Variants in RPA2 observed in about 807,000 individuals in gnomAD.
RPA2 encodes the protein replication protein A 32 kDa subunit.
RPA2 carries 22 observed loss-of-function variants against 33.4 expected under a neutral mutation model. The observed-to-expected ratio is 0.66, with a 90% CI of 0.47 to 0.94. RPA2 has a LOEUF of 0.94. Ranked by LOEUF, RPA2 falls within the 40% of genes least tolerant of loss-of-function variation. RPA2 has a pLI of 0.00. For synonymous variants in RPA2, 109 were observed against 114.9 expected, an observed-to-expected ratio of 0.95 and a Z score of 0.33; for missense variants, 279 against 329.9, an observed-to-expected ratio of 0.85 and a Z score of 1.19.
rs559189703 is a variant in RPA2 at position 27,899,488 on chromosome 1, C to T, written c.334-1781G>A. Among the ~76,000 whole-genome samples, 6 of 118,840 alleles carry T rather than the reference C, an allele frequency of 5.0e-5. No homozygotes were observed. The South Asian group carries it at 1.4e-3, about 28-fold the overall frequency. 78.0% of individuals were successfully genotyped at this position (118,840 alleles called of 152,430 possible). On this transcript the variant is annotated intron_variant, in intron 4 of 8. Coordinates refer to ENST00000373912, the MANE Select transcript of RPA2 (RefSeq NM_002946.5). ...CTGCACTCCAGGCTGGGCAACAGAG[C>T]AGGACTCTATCTCAAAAAAAAAAAG...
At position 27,892,159 on chromosome 1, in the gene RPA2, C is replaced by T; in HGVS notation, c.*4G>A. The T allele has an allele frequency of 6.2e-7, 1 of 1,603,050 alleles. No homozygotes were observed. On this transcript the variant is annotated 3_prime_UTR_variant, in exon 9 of 9. Transcript: ENST00000373912. ...AAATATCTCAGGTACCCAGTTAGAT[C>T]CAGTTATTCTGCATCTGTGGATTTA... is the stretch of plus-strand genomic sequence containing the variant.
intron 8 of RPA2, among the ~76,000 whole-genome samples, chr1:27,892,697 C>T (rs1244129373): frequency 6.6e-6 from 1 of 152,220 alleles, no homozygotes; most frequent in Non-Finnish European, 1.5e-5. Context: ...CTGAAACCTT[C>T]AAACCCTTCA....
At chr1:27,907,404 A>G in intron 2 of RPA2, 122 bp from the exon 3 acceptor site, 1 of 813,222 alleles carries the variant, frequency 1.2e-6, no homozygotes, top group East Asian at 2.7e-5. Context: ...AAATCTCATT[A>G]TCCTTGCTTC....
At position 27,894,348 on chromosome 1, in the gene RPA2, C is replaced by T; in HGVS notation, c.575G>A (p.Gly192Glu). Residue 192 changes from glycine to glutamate, a missense_variant, in exon 7 of 9, where the codon GGG (glycine) becomes GAG (glutamate). Coordinates refer to ENST00000373912, the MANE Select transcript of RPA2 (RefSeq NM_002946.5). ...PISNPGMSEA[G>E]NFGGNSFMPA... ...CATGAAGCTATTCCCACCAAAGTTC[C>T]CTGCTTCACTCATTCCTGGATTGCT... The T allele has an allele frequency of 6.2e-7, 1 of 1,614,052 alleles. No individual in the cohort carries two copies. The highest frequency in any genetic ancestry group is 8.5e-7 in the Non-Finnish European group (1 of 1,180,022).
At position 27,892,114 on chromosome 1, in the gene RPA2, T is replaced by A; in HGVS notation, c.*49A>T. On this transcript the variant is annotated 3_prime_UTR_variant, in exon 9 of 9. Transcript: ENST00000373912. ...ATGCAGAGCTGGAGACAACAGATTG[T>A]GAAACTAGGTCCAGCTGTAAAATAT... 6.7e-7 allele frequency: 1 copy of A among 1,497,594 alleles called. No individual in the cohort carries two copies. 92.8% of individuals were successfully genotyped at this position (1,497,594 alleles called of 1,614,324 possible).
intron 2 of RPA2, among the ~76,000 whole-genome samples, chr1:27,911,461 G>T (rs1224977881): frequency 2.0e-5 from 3 of 152,164 alleles, no homozygotes; most frequent in Non-Finnish European, 4.4e-5. Context: ...GGAATTCTGA[G>T]ATAAAAATTA....
chr1:27,910,135 G>A (rs1234068347), intron 2 of RPA2, among the ~76,000 whole-genome samples: 1 of 152,192 alleles, frequency 6.6e-6, no homozygotes, highest in South Asian at 2.1e-4. Flanking sequence ...GTAAGGTAAA[G>A]TGGCAAGAAC....
chr1:27,903,548 G>A (rs144115077), intron 4 of RPA2, among the ~76,000 whole-genome samples: 2 of 151,454 alleles, frequency 1.3e-5, no homozygotes, highest in East Asian at 2.0e-4. Flanking sequence ...TTGAAACCCC[G>A]TCTCTACTAA....
In RPA2 at chr1:27,914,544, T is replaced by C. The variant is rs2090145961; in HGVS notation, c.-101A>G. The C allele has an allele frequency of 6.2e-7, 1 of 1,610,492 alleles. No individual in the cohort carries two copies. The highest frequency in any genetic ancestry group is 1.1e-5 in the South Asian group (1 of 90,828). On this transcript the variant is annotated 5_prime_UTR_variant, in exon 1 of 9. Transcript: ENST00000373912. ...CGCCACTGCGCCGCTCTGGCTACTTTTCTCTGGCACCACAAACGCCTTCCC... is the reference window on the plus strand; with the variant it reads ...CGCCACTGCGCCGCTCTGGCTACTTCTCTCTGGCACCACAAACGCCTTCCC...
intron 6 of RPA2, 113 bp downstream of exon 6, chr1:27,896,892 G>A (rs2089899192): frequency 1.5e-6 from 1 of 684,076 alleles, no homozygotes; most frequent in Non-Finnish European, 2.6e-6. Context: ...AGGACTTAGT[G>A]ATGTCTTTCT....
chr1:27,898,544 ATTT>A lies in RPA2; in HGVS notation c.334-840_334-838del, dbSNP rs5773203. ...ATTTATAAGAAAAATACATTAGCTGATTTTTTTTTTTTTTTTTGAGACGAAGTG... is the reference window on the plus strand; with the variant it reads ...ATTTATAAGAAAAATACATTAGCTGATTTTTTTTTTTTTTGAGACGAAGTG... On this transcript the variant is annotated intron_variant, in intron 4 of 8. Coordinates refer to ENST00000373912, the MANE Select transcript of RPA2 (RefSeq NM_002946.5). Among the ~76,000 whole-genome samples, 348 of 137,620 alleles carry A rather than the reference ATTT, an allele frequency of 2.5e-3. 3 individuals are homozygous for A. Among genetic ancestry groups the A allele is most frequent in the African/African-American group, 8.5e-3 (314 of 37,012 alleles). The allele number at this position is 137,620 out of a possible 152,430, so 90.3% of individuals were successfully genotyped here.
intron 4 of RPA2, 76 bp from the exon 5 acceptor site, chr1:27,897,783 T>C (rs2089912072): frequency 9.6e-7 from 1 of 1,043,616 alleles, no homozygotes; most frequent in Non-Finnish European, 1.4e-6. Flanking sequence ...CTATATTATG[T>C]ATAGAAAGAG....
intron 4 of RPA2, among the ~76,000 whole-genome samples, chr1:27,903,877 A>G (rs979225704): frequency 6.7e-6 from 1 of 149,764 alleles, no homozygotes; most frequent in African/African-American, 2.4e-5. Context: ...AAAAAAAAAA[A>G]AAAAAAAAAA....
rs772167431 is a variant in RPA2 at position 27,894,333 on chromosome 1, T to C, written c.590A>G (p.Asn197Ser). The part of the protein sequence containing the change: ...GMSEAGNFGG[N>S]SFMPANGLTV... ...GAGGCCATTTGCTGGCATGAAGCTA[T>C]TCCCACCAAAGTTCCCTGCTTCACT... Residue 197 changes from asparagine (N) to serine (S), a missense_variant, in exon 7 of 9, where the codon AAT (asparagine) becomes AGT (serine). Coordinates refer to ENST00000373912, the MANE Select transcript of RPA2 (RefSeq NM_002946.5). 1.8e-5 allele frequency: 29 copies of C among 1,614,066 alleles called. No homozygotes were observed. In the African/African-American group the frequency reaches 2.9e-4, roughly 16 times the overall value.
intron 2 of RPA2, 138 bp from the exon 3 acceptor site, chr1:27,907,420 G>A (rs1025643736): frequency 1.3e-6 from 1 of 755,672 alleles, no homozygotes; most frequent in Non-Finnish European, 2.1e-6. Flanking sequence ...GCTTCAGAGA[G>A]ATGGAAACCA....
Position 27,891,534 on chromosome 1 carries a change from TTAC to T in RPA2, c.*626_*628del, listed in dbSNP as rs1255782892. The T allele has an allele frequency of 3.9e-5, 6 of 152,212 alleles. No individual in the cohort carries two copies. The highest frequency in any genetic ancestry group is 1.4e-4 in the African/African-American group (6 of 41,446). The allele number at this position is 152,212 out of a possible 1,614,324, so 9.4% of individuals were successfully genotyped here. ...AAAGAAAAACGAGAATTTTTACAAG[TTAC>T]TACAATAGAACTGTTTTATTAAACA... On this transcript the variant is annotated 3_prime_UTR_variant, in exon 9 of 9. Coordinates refer to ENST00000373912, the MANE Select transcript of RPA2 (RefSeq NM_002946.5).
At position 27,894,071 on chromosome 1, in the gene RPA2, T is replaced by C; in HGVS notation, c.669A>G (p.Glu223=). The C allele has an allele frequency of 6.2e-7, 1 of 1,614,168 alleles. No individual in the cohort carries two copies. The highest frequency in any genetic ancestry group is 8.5e-7 in the Non-Finnish European group (1 of 1,180,014). Reference sequence around the variant, plus strand: ...TCTTGAGATCCTGAAAGTTCAACCCTTCAGGTCTTGGACAAGCCTTAATCA... The same window carrying C: ...TCTTGAGATCCTGAAAGTTCAACCCCTCAGGTCTTGGACAAGCCTTAATCA... ...LNLIKACPRP[E]GLNFQDLKNQ... The change falls in exon 8 of 9, where the codon GAA becomes GAG. Residue 223 remains glutamate (E), a synonymous_variant. Transcript: ENST00000373912.
At position 27,906,947 on chromosome 1, in the gene RPA2, C is replaced by T. The variant is rs2090036311; in HGVS notation, c.314G>A (p.Arg105His). 6.2e-7 allele frequency: 1 copy of T among 1,613,166 alleles called. No homozygotes were observed. Among genetic ancestry groups the T allele is most frequent in the Non-Finnish European group, 8.5e-7 (1 of 1,179,718 alleles). The change falls in exon 4 of 9, where the codon CGC becomes CAC. Residue 105 changes from arginine to histidine, a missense_variant. Transcript: ENST00000373912. ...ACTTACATCTGTGTCAACCCACTGG[C>T]GAACGTCCATGGGTGCAGCTGTCAT... ...DDMTAAPMDVRQWVDTDDTSS... is the reference protein window; with the variant it reads ...DDMTAAPMDVHQWVDTDDTSS...
At chr1:27,905,032 A>C (rs1360673192) in intron 4 of RPA2, among the ~76,000 whole-genome samples, 2 of 152,242 alleles carry the variant, frequency 1.3e-5, no homozygotes, top group African/African-American at 4.8e-5. Context: ...GGCCTTCTGC[A>C]CAATTGAAAA....
Sources: allele counts gnomAD v4.1 joint callset (sites outside exome capture counted in the v4.1 genomes callset), GRCh38; gene constraint gnomAD v4.1.1; transcripts MANE v1.5; gene names NCBI Gene and HGNC (gene_info 2026-07-23, HGNC 2026-07-21).